The following UBR4 variants were observed in gnomAD, a reference collection of about 807,000 sequenced individuals.
UBR4 encodes ubiquitin protein ligase E3 component n-recognin 4, also known as E3 ubiquitin-protein ligase UBR4.
A neutral mutation model predicts 575.6 loss-of-function variants in UBR4; 124 were observed. That is an observed-to-expected ratio of 0.22 (90% CI 0.19 to 0.25). The LOEUF (loss-of-function observed/expected upper bound fraction) is 0.25, where lower values mean the gene tolerates loss of function less well. Among genes scored for constraint, UBR4 ranks in the 10% least tolerant of loss-of-function variants. UBR4 has a pLI of 1.00. For synonymous variants in UBR4, 2,455 were observed against 2,473.7 expected (o/e 0.99, Z 0.22); for missense variants, 4,818 against 6,478.8 (o/e 0.74, Z 8.80).
At chr1:19,131,809 G>GT (rs2082495385) in intron 60 of UBR4, among the ~76,000 whole-genome samples, 1 of 152,178 alleles carries the variant, frequency 6.6e-6, no homozygotes, top group South Asian at 2.1e-4. Context: ...GGCGGCAGAG[G>GT]TTGTAGTGAG....
intron 54 of UBR4, 92 bp from the exon 55 acceptor site, chr1:19,144,183 A>T: frequency 8.6e-7 from 1 of 1,157,664 alleles, no homozygotes. Flanking sequence ...ACTCACTCAC[A>T]TGCAAGTGGA....
chr1:19,181,829 C>T (rs2090993986), intron 17 of UBR4, among the ~76,000 whole-genome samples: 1 of 152,176 alleles, frequency 6.6e-6, no homozygotes, highest in Non-Finnish European at 1.5e-5. Context: ...ACCATTTCAA[C>T]CATTTTTACA....
Position 19,139,247 on chromosome 1 carries a change from G to A in UBR4, c.8594-27C>T, listed in dbSNP as rs372252880. On this transcript the variant is annotated intron_variant, in intron 58 of 105. Coordinates refer to ENST00000375254, the MANE Select transcript of UBR4 (RefSeq NM_020765.3). The surrounding 1 kb of genome is among the most constrained non-coding windows in gnomAD (Gnocchi z 4.2). ...TGAGAGAGTAACGAGAGCTGTTACA[G>A]GTTAAAAAACAAACAAACAAACAAA... 656 of 1,565,696 alleles carry A rather than the reference G, an allele frequency of 4.2e-4. 1 individual carries two copies. Among genetic ancestry groups the A allele is most frequent in the Non-Finnish European group, 5.4e-4 (623 of 1,157,282 alleles).
intron 55 of UBR4, among the ~76,000 whole-genome samples, chr1:19,143,533 G>T (rs2084399666): frequency 6.6e-6 from 1 of 151,670 alleles, no homozygotes; most frequent in African/African-American, 2.4e-5. Flanking sequence ...CTTATTGTAG[G>T]TAAGTCCACT....
At position 19,167,034 on chromosome 1, in the gene UBR4, G is replaced by A. The variant is rs148530620; in HGVS notation, c.4097C>T (p.Ala1366Val). 4.7e-5 allele frequency: 76 copies of A among 1,614,188 alleles called. No individual in the cohort carries two copies. In the African/African-American group the frequency reaches 9.5e-4, roughly 20 times the overall value. The change falls in exon 29 of 106, where the codon GCA becomes GTA. Residue 1366 changes from alanine to valine, a missense_variant. Transcript: ENST00000375254. ...CCATCAGGCTCACCTGTTAGGATCT[G>A]CATGATTGGCCAGAATGTTGTAACA... ...TGCYNILANH[A>V]DPNSGLDESI...
At chr1:19,087,400 T>C (rs1245218328) in intron 99 of UBR4, among the ~76,000 whole-genome samples, 7 of 152,250 alleles carry the variant, frequency 4.6e-5, no homozygotes, top group Admixed American at 4.6e-4. Context: ...CCAGTTACCC[T>C]GAATGGAGGC....
rs202059420 is a variant in UBR4 at position 19,173,665 on chromosome 1, C to G, written c.2983-44G>C. On this transcript the variant is annotated intron_variant, in intron 22 of 105. Transcript: ENST00000375254. Reference sequence around the variant, plus strand: ...GCATAGAGGTAGCACTTGGTATGGCCTCAAGATCTCCCTCACAGTACGAAC... The same window carrying G: ...GCATAGAGGTAGCACTTGGTATGGCGTCAAGATCTCCCTCACAGTACGAAC... The G allele has an allele frequency of 2.5e-4, 396 of 1,579,040 alleles. 1 individual carries two copies. The Middle Eastern group carries it at 7.0e-3, about 28-fold the overall frequency.
intron 65 of UBR4, 134 bp from the exon 66 acceptor site, chr1:19,123,194 G>C (rs2081359830): frequency 5.4e-6 from 5 of 931,986 alleles, no homozygotes; most frequent in Non-Finnish European, 8.1e-6. Context: ...GCTCACAGCT[G>C]TAATCCCAGC....
In UBR4 at chr1:19,173,196, T is replaced by C. The variant is rs752481786; in HGVS notation, c.3276A>G (p.Glu1092=). 6.2e-7 allele frequency: 1 copy of C among 1,614,202 alleles called. No individual in the cohort carries two copies. The highest frequency in any genetic ancestry group is 8.5e-7 in the Non-Finnish European group (1 of 1,180,016). Residue 1092 remains glutamate (E), a synonymous_variant, in exon 24 of 106, where the codon GAA becomes GAG. Coordinates refer to ENST00000375254, the MANE Select transcript of UBR4 (RefSeq NM_020765.3). ...SVKYDVEIVE[E]YFARQISSFC... ...TATTACATACCTGTCGAGCGAAGTA[T>C]TCCTCTACTATTTCAACATCATATT...
chr1:19,156,472 G>C (rs1366621312), intron 41 of UBR4, 49 bp from the exon 42 acceptor site: 12 of 1,592,818 alleles, frequency 7.5e-6, no homozygotes, highest in Non-Finnish European at 1.0e-5. Context: ...TCTGAAAAGT[G>C]GGCTAATTCA....
In UBR4 at chr1:19,127,395, C is replaced by G. The variant is rs576348288; in HGVS notation, c.9228+228G>C. 2.0e-5 allele frequency among the ~76,000 whole-genome samples: 3 copies of G among 152,310 alleles called. No homozygotes were observed. The South Asian group carries it at 6.2e-4, about 32-fold the overall frequency. ...GCTCTTCAATAATGGAACTTCCAAA[C>G]CCTTTTACCCCTCCATTGGAGGGAT... On this transcript the variant is annotated intron_variant, in intron 63 of 105. Coordinates refer to ENST00000375254, the MANE Select transcript of UBR4 (RefSeq NM_020765.3).
At chr1:19,077,872 C>T in intron 104 of UBR4, 104 bp downstream of exon 104, 1 of 1,595,214 alleles carries the variant, frequency 6.3e-7, no homozygotes, top group Non-Finnish European at 8.5e-7. Context: ...CCCCCAGGCC[C>T]AGCGGAGGAG....
chr1:19,155,124 A>C (rs112886509), intron 43 of UBR4, 49 bp from the exon 44 acceptor site: 1 of 1,608,556 alleles, frequency 6.2e-7, no homozygotes, highest in African/African-American at 1.3e-5. Flanking sequence ...TGCCTTGGCT[A>C]CCAACTTCCG....
intron 87 of UBR4, among the ~76,000 whole-genome samples, chr1:19,103,743 A>T (rs1256056989): frequency 6.6e-6 from 1 of 152,212 alleles, no homozygotes; most frequent in East Asian, 1.9e-4. Flanking sequence ...GACAGAGTGA[A>T]AATGGAGTTT....
intron 22 of UBR4, 26 bp downstream of exon 22, chr1:19,174,293 G>A: frequency 6.3e-7 from 1 of 1,589,382 alleles, no homozygotes; most frequent in African/African-American, 1.4e-5. Context: ...ACAACCCAAA[G>A]ACTTCTCAGG....
At position 19,187,552 on chromosome 1, in the gene UBR4, A is replaced by G; in HGVS notation, c.1395-12T>C. ...CAAATCCCTGATGCCTACACAAAGAAAAAGGAAAACACAATCCTTAAAATA... is the reference window on the plus strand; with the variant it reads ...CAAATCCCTGATGCCTACACAAAGAGAAAGGAAAACACAATCCTTAAAATA... On this transcript the variant is annotated splice_polypyrimidine_tract_variant and intron_variant, in intron 11 of 105. Coordinates refer to ENST00000375254, the MANE Select transcript of UBR4 (RefSeq NM_020765.3). 1 of 1,610,268 alleles carries G rather than the reference A, an allele frequency of 6.2e-7. No homozygotes were observed. Among genetic ancestry groups the G allele is most frequent in the Non-Finnish European group, 8.5e-7 (1 of 1,177,390 alleles).
At chr1:19,104,930 C>A in intron 85 of UBR4, 118 bp downstream of exon 85, 1 of 1,454,568 alleles carries the variant, frequency 6.9e-7, no homozygotes, top group Non-Finnish European at 9.3e-7. Context: ...TTTCCAAACA[C>A]CTTCAACAAA....
chr1:19,113,063 C>A, intron 77 of UBR4, 196 bp from the exon 78 acceptor site: 1 of 587,338 alleles, frequency 1.7e-6, no homozygotes. Context: ...GTGGCTTGAC[C>A]AAGATAAGTG....
chr1:19,155,052 G>A lies in UBR4; in HGVS notation c.6324C>T (p.Gly2108=), dbSNP rs760307509. 1.7e-4 allele frequency: 278 copies of A among 1,613,820 alleles called. No individual in the cohort carries two copies. The highest frequency in any genetic ancestry group is 1.5e-4 in the Non-Finnish European group (176 of 1,179,972). Residue 2108 remains glycine (G), a synonymous_variant, in exon 44 of 106, where the codon GGC becomes GGT. Coordinates refer to ENST00000375254, the MANE Select transcript of UBR4 (RefSeq NM_020765.3). ...DLKDSNSQVA[G]GGVSVYYSHV... ...GGGAGTAGTACACGGACACACCACC[G>A]CCCGCCACCTGGCTGTTACTGTCCT...
Sources: gnomAD v4.1 joint callset for allele counts (sites outside exome capture counted in the v4.1 genomes callset) on GRCh38, gnomAD v4.1.1 for gene constraint, Gnocchi (gnomAD v3.1) non-coding constraint, MANE v1.5 for transcripts, NCBI Gene and HGNC (gene_info 2026-07-23, HGNC 2026-07-21) for gene names.